TCEAL4: variants seen among roughly 807,000 people sequenced by gnomAD.
TCEAL4 encodes transcription elongation factor A like 4, also known as transcription elongation factor A protein-like 4.
A neutral mutation model predicts 1.3 loss-of-function variants in TCEAL4; 1 was observed. The ratio of observed to expected loss-of-function variants is 0.79; its 90% CI spans 0.28 to 3.76. The LOEUF is 3.76. Ranked by LOEUF, TCEAL4 falls within the 30% of genes most tolerant of loss-of-function variation. TCEAL4 has a pLI of 0.18. For synonymous variants in TCEAL4, 54 were observed against 50.7 expected (o/e 1.06, Z -0.28); for missense variants, 129 against 154.7 (o/e 0.83, Z 0.88).
In TCEAL4 at chrX:103,585,536, C is replaced by T; in HGVS notation, c.-189C>T. 8.7e-7 allele frequency: 1 copy of T among 1,155,367 alleles called. No individual in the cohort carries two copies. Among genetic ancestry groups the T allele is most frequent in the African/African-American group, 1.8e-5 (1 of 55,895 alleles). ...ATCTGCACGGGCGCAGATGTAGGCA[C>T]CGGTCCGAGTGCCTGCCCTCTGTCC... On this transcript the variant is annotated 5_prime_UTR_variant, in exon 1 of 3. Coordinates refer to ENST00000472484, the MANE Select transcript of TCEAL4 (RefSeq NM_001006935.3).
intron 1 of TCEAL4, 78 bp from the exon 2 acceptor site, chrX:103,586,141 G>C: frequency 3.5e-6 from 4 of 1,152,565 alleles, no homozygotes; most frequent in Non-Finnish European, 4.6e-6. Context: ...AGAAGGGCCT[G>C]GACTCAGGAA....
chrX:103,584,174 C>T (rs917355521), upstream of TCEAL4, among the ~76,000 whole-genome samples: 1 of 111,051 alleles, frequency 9.0e-6, no homozygotes, highest in Admixed American at 9.6e-5. Context: ...GTGATCCACC[C>T]GCCTCAGCTT....
At chrX:103,583,167 T>C (rs2073515906), upstream of TCEAL4, among the ~76,000 whole-genome samples, 1 of 112,157 alleles carries the variant, frequency 8.9e-6, no homozygotes, top group African/African-American at 3.2e-5. Context: ...CACAATGATA[T>C]ACCATCTTAA....
upstream of TCEAL4, among the ~76,000 whole-genome samples, chrX:103,583,910 A>T (rs1379001290): frequency 8.9e-6 from 1 of 112,248 alleles, no homozygotes; most frequent in African/African-American, 3.2e-5. Context: ...AAGTGAAATT[A>T]CTGGCACAAA....
intron 2 of TCEAL4, 131 bp downstream of exon 2, chrX:103,586,422 C>T: frequency 2.2e-6 from 2 of 913,477 alleles, no homozygotes; most frequent in South Asian, 4.9e-5. Flanking sequence ...CAGGCTGAAC[C>T]AGTGCAGAGA....
chrX:103,585,881 C>A, intron 1 of TCEAL4: 1 of 1,053,038 alleles, frequency 9.5e-7, no homozygotes, highest in Non-Finnish European at 1.2e-6. Context: ...CTCTGCCCTC[C>A]GTCCATTTTG....
In TCEAL4 at chrX:103,587,064, C is replaced by G. The variant is rs763432036; in HGVS notation, c.389C>G (p.Thr130Ser). The G allele has an allele frequency of 1.7e-6, 2 of 1,211,434 alleles. No homozygotes were observed. The highest frequency in any genetic ancestry group is 2.2e-6 in the Non-Finnish European group (2 of 895,498). ...GTACCCAGGAAAGCCAAAAGAAAAA[C>G]TAATAAGGGGCTGGCTCATTACCTC... is the stretch of plus-strand genomic sequence containing the variant. Reference protein sequence around the residue: ...DDVPRKAKRKTNKGLAHYLKE... With the variant: ...DDVPRKAKRKSNKGLAHYLKE... Residue 130 changes from threonine (T) to serine (S), a missense_variant, in exon 3 of 3, where the codon ACT becomes AGT. Transcript: ENST00000472484.
At chrX:103,585,327 T>TA (rs201628331), upstream of TCEAL4, among the ~76,000 whole-genome samples, 27,496 of 104,991 alleles carry the variant, frequency 0.26, 3,290 homozygotes, top group Non-Finnish European at 0.36. Context: ...CCCAACTCAT[T>TA]AAAAAAAAAA....
At chrX:103,576,415 G>A in exon 1 of TCEAL4, 2 of 1,163,609 alleles carry the variant, frequency 1.7e-6, no homozygotes, top group Non-Finnish European at 2.3e-6. Flanking sequence ...TTATATTCAA[G>A]AAGAGTTCAG....
At chrX:103,584,196 G>A (rs1645655565), upstream of TCEAL4, among the ~76,000 whole-genome samples, 1 of 111,294 alleles carries the variant, frequency 9.0e-6, no homozygotes, top group Admixed American at 9.5e-5. Context: ...CCAAAGCGCT[G>A]GGATTACAGG....
At chrX:103,580,833 A>G (rs12834633), upstream of TCEAL4, among the ~76,000 whole-genome samples, 1 of 111,718 alleles carries the variant, frequency 9.0e-6, no homozygotes, top group Non-Finnish European at 1.9e-5. Context: ...TAAAAGAGCT[A>G]GAGAACCAAG....
chrX:103,584,753 G>C (rs2073526545), upstream of TCEAL4, among the ~76,000 whole-genome samples: 1 of 112,289 alleles, frequency 8.9e-6, no homozygotes, highest in Non-Finnish European at 1.9e-5. Flanking sequence ...GCTTTATAGT[G>C]GAAAACAAAA....
upstream of TCEAL4, among the ~76,000 whole-genome samples, chrX:103,584,563 T>C (rs767309141): frequency 1.2e-4 from 14 of 112,139 alleles, no homozygotes; most frequent in Admixed American, 4.7e-4. Flanking sequence ...ATATCCCCGT[T>C]ATTAAGTGGC....
intron 2 of TCEAL4, among the ~76,000 whole-genome samples, chrX:103,577,495 G>C (rs947035265): frequency 9.0e-6 from 1 of 111,611 alleles, no homozygotes; most frequent in Non-Finnish European, 1.9e-5. Flanking sequence ...TATGAAATAA[G>C]CATAGAAAAA....
Position 103,587,588 on chromosome X carries a change from T to A in TCEAL4, c.*265T>A. On this transcript the variant is annotated 3_prime_UTR_variant, in exon 3 of 3. Coordinates refer to ENST00000472484, the MANE Select transcript of TCEAL4 (RefSeq NM_001006935.3). ...CTAGTAATATAGTATAGAAAACAATTCTGAAAGCTGTGTCCACTAAAAGAT... is the reference window on the plus strand; with the variant it reads ...CTAGTAATATAGTATAGAAAACAATACTGAAAGCTGTGTCCACTAAAAGAT... The A allele has an allele frequency of 3.7e-6, 1 of 273,780 alleles. No homozygotes were observed. The highest frequency in any genetic ancestry group is 6.7e-6 in the Non-Finnish European group (1 of 149,745). 22.6% of individuals were successfully genotyped at this position (273,780 alleles called of 1,213,427 possible). A position where few individuals can be genotyped will look rare whatever the true frequency, so the allele number is the denominator to read the frequency against.
intron 2 of TCEAL4, among the ~76,000 whole-genome samples, chrX:103,579,975 T>C (rs1370691079): frequency 8.9e-6 from 1 of 112,387 alleles, no homozygotes; most frequent in East Asian, 2.8e-4. Context: ...TTGTGCTTAT[T>C]TCAGTACTAT....
At chrX:103,582,884 C>G (rs1319294833), upstream of TCEAL4, among the ~76,000 whole-genome samples, 1 of 111,402 alleles carries the variant, frequency 9.0e-6, no homozygotes, top group African/African-American at 3.3e-5. Context: ...CAAATGAGAT[C>G]TAATTAAACT....
intron 2 of TCEAL4, chrX:103,577,295 C>T (rs1161075214): frequency 2.9e-6 from 3 of 1,035,192 alleles, no homozygotes; most frequent in Non-Finnish European, 3.9e-6. Context: ...ATTTCTAATG[C>T]TAATCAATGG....
At chrX:103,578,552 GTATC>G (rs766838416) in intron 2 of TCEAL4, among the ~76,000 whole-genome samples, 102 of 111,508 alleles carry the variant, frequency 9.1e-4, no homozygotes, top group Non-Finnish European at 7.0e-4. Flanking sequence ...GTATAAAGTG[GTATC>G]TCATTATGGC....
Sources: gnomAD v4.1 joint callset for allele counts (sites outside exome capture counted in the v4.1 genomes callset) on GRCh38, gnomAD v4.1.1 for gene constraint, MANE v1.5 for transcripts, NCBI Gene and HGNC (gene_info 2026-07-23, HGNC 2026-07-21) for gene names.